Variants in RDH5 observed in about 807,000 individuals in gnomAD.
RDH5 encodes 11-cis RDH.
In RDH5, 25 loss-of-function variants were observed where a neutral mutation model predicts 24.0. That is an observed-to-expected ratio of 1.04 (90% confidence interval 0.76 to 1.46). The LOEUF is 1.46. Among genes scored for constraint, RDH5 ranks in the 40% most tolerant of loss-of-function variants. The pLI, the probability that RDH5 is intolerant of heterozygous loss-of-function variation, is 0.00. For synonymous variants in RDH5, 170 were observed against 175.2 expected (o/e 0.97, Z 0.23); for missense variants, 369 against 410.3 (o/e 0.90, Z 0.87).
At position 55,721,365 on chromosome 12, in the gene RDH5, A is replaced by T; in HGVS notation, c.181A>T (p.Thr61Ser). Residue 61 changes from threonine (T) to serine (S), a missense_variant, in exon 2 of 5, where the codon ACC (threonine) becomes TCC (serine). Coordinates refer to ENST00000257895, the MANE Select transcript of RDH5 (RefSeq NM_002905.5). This position sits in a 1 kb window ranked among gnomAD's most constrained non-coding sequence, Gnocchi z 4.7. ...CTTCCGAGTCCTGGCCAGCTGCCTG[A>T]CCCCCTCCGGGGCCGAGGACCTGCA... ...RGFRVLASCL[T>S]PSGAEDLQRV... The T allele has an allele frequency of 1.2e-6, 2 of 1,613,620 alleles. No individual in the cohort carries two copies. Among genetic ancestry groups the T allele is most frequent in the Non-Finnish European group, 1.7e-6 (2 of 1,179,986 alleles).
chr12:55,723,581 A>G (rs1877026547), intron 3 of RDH5: 1 of 366,790 alleles, frequency 2.7e-6, no homozygotes, highest in South Asian at 2.5e-5. Context: ...TTACATTGTA[A>G]ACTGTTATAT....
chr12:55,724,488 C>G lies in RDH5; in HGVS notation c.900C>G (p.Ser300Arg), dbSNP rs769652740. 8.7e-6 allele frequency: 14 copies of G among 1,613,592 alleles called. No individual in the cohort carries two copies. Among genetic ancestry groups the G allele is most frequent in the South Asian group, 1.1e-5 (1 of 91,076 alleles). The part of the protein sequence containing the change: ...LWLPASYLPA[S>R]LVDAVLTWVL... ...TGCCTGCCTCCTACCTGCCAGCCAG[C>G]CTGGTGGATGCTGTGCTCACCTGGG... Residue 300 changes from serine to arginine, a missense_variant, in exon 5 of 5, where the codon AGC becomes AGG. By Grantham distance (110) the Ser-to-Arg change is moderately radical. Coordinates refer to ENST00000257895, the MANE Select transcript of RDH5 (RefSeq NM_002905.5).
At chr12:55,720,916 G>T in intron 1 of RDH5, 1 of 443,300 alleles carries the variant, frequency 2.3e-6, no homozygotes, top group South Asian at 2.8e-5. Flanking sequence ...AGATGCCTCT[G>T]CTCCATACAG....
At chr12:55,720,688 A>G (rs959977680) in intron 1 of RDH5, 171 bp downstream of exon 1, 1 of 162,012 alleles carries the variant, frequency 6.2e-6, no homozygotes, top group African/African-American at 2.4e-5. Context: ...TAGATGAGAA[A>G]ATAGGTTGAG....
At position 55,721,902 on chromosome 12, in the gene RDH5, A is replaced by T. The variant is rs758411232; in HGVS notation, c.524A>T (p.Tyr175Phe). 7.4e-6 allele frequency: 12 copies of T among 1,613,602 alleles called. No homozygotes were observed. Among genetic ancestry groups the T allele is most frequent in the Non-Finnish European group, 1.0e-5 (12 of 1,179,794 alleles). ...LGRLAANGGG[Y>F]CVSKFGLEAF... Reference sequence around the variant, plus strand: ...CGCCTGGCAGCCAATGGTGGGGGCTACTGTGTCTCCAAATTTGGCCTGGAG... The same window carrying T: ...CGCCTGGCAGCCAATGGTGGGGGCTTCTGTGTCTCCAAATTTGGCCTGGAG... Residue 175 changes from tyrosine (Y) to phenylalanine (F), a missense_variant, in exon 3 of 5, where the codon TAC (tyrosine) becomes TTC (phenylalanine). Physicochemically the swap from Tyr to Phe is conservative, Grantham distance 22. Coordinates refer to ENST00000257895, the MANE Select transcript of RDH5 (RefSeq NM_002905.5). The surrounding 1 kb of genome is among the most constrained non-coding windows in gnomAD (Gnocchi z 4.7).
chr12:55,721,370 C>G lies in RDH5; in HGVS notation c.186C>G (p.Pro62=), dbSNP rs773514584. ...GFRVLASCLT[P]SGAEDLQRVA... is the part of the protein sequence containing the mutation. ...GAGTCCTGGCCAGCTGCCTGACCCC[C>G]TCCGGGGCCGAGGACCTGCAGCGGG... The change falls in exon 2 of 5, where the codon CCC becomes CCG. Residue 62 remains proline, a synonymous_variant. Transcript: ENST00000257895. This position sits in a 1 kb window ranked among gnomAD's most constrained non-coding sequence, Gnocchi z 4.7. 1 of 1,613,866 alleles carries G rather than the reference C, an allele frequency of 6.2e-7. No individual in the cohort carries two copies. Among genetic ancestry groups the G allele is most frequent in the East Asian group, 2.2e-5 (1 of 44,902 alleles).
chr12:55,721,093 T>G lies in RDH5; in HGVS notation c.-32-60T>G. ...ACCAGATGCTTCCAGCTAGGGAGGG[T>G]ATTAGGGGAAAGGGCTTGAGGGCCA... On this transcript the variant is annotated intron_variant, in intron 1 of 4. Transcript: ENST00000257895. The surrounding 1 kb of genome is among the most constrained non-coding windows in gnomAD (Gnocchi z 4.7). The G allele has an allele frequency of 2.8e-6, 3 of 1,088,500 alleles. No homozygotes were observed. Among genetic ancestry groups the G allele is most frequent in the Non-Finnish European group, 4.3e-6 (3 of 705,436 alleles). 67.4% of individuals were successfully genotyped at this position (1,088,500 alleles called of 1,614,324 possible). A position where few individuals can be genotyped will look rare whatever the true frequency, so the allele number is the denominator to read the frequency against.
chr12:55,721,955 G>A lies in RDH5; in HGVS notation c.569+8G>A. 1.2e-6 allele frequency: 2 copies of A among 1,611,904 alleles called. No homozygotes were observed. Among genetic ancestry groups the A allele is most frequent in the Non-Finnish European group, 1.7e-6 (2 of 1,179,296 alleles). ...CTTCTCTGACAGCCTGAGGTGAGGGGTACAGGGCTCTGGGTTCCAGGACTA... is the reference window on the plus strand; with the variant it reads ...CTTCTCTGACAGCCTGAGGTGAGGGATACAGGGCTCTGGGTTCCAGGACTA... On this transcript the variant is annotated splice_region_variant and intron_variant, in intron 3 of 4. Transcript: ENST00000257895. The surrounding 1 kb of genome is among the most constrained non-coding windows in gnomAD (Gnocchi z 4.7).
At chr12:55,722,108 T>G in intron 3 of RDH5, 161 bp downstream of exon 3, 1 of 704,950 alleles carries the variant, frequency 1.4e-6, no homozygotes, top group Non-Finnish European at 2.3e-6. Context: ...ATGTAAGCTT[T>G]GTGACCATAA....
chr12:55,723,926 G>C lies in RDH5; in HGVS notation c.610G>C (p.Glu204Gln). The C allele has an allele frequency of 1.9e-6, 3 of 1,614,132 alleles. No individual in the cohort carries two copies. Among genetic ancestry groups the C allele is most frequent in the Non-Finnish European group, 2.5e-6 (3 of 1,180,038 alleles). Residue 204 changes from glutamate (E) to glutamine (Q), a missense_variant, in exon 4 of 5, where the codon GAG becomes CAG. Transcript: ENST00000257895. ...TTTTGGGATACGAGTCTCCATCGTG[G>C]AGCCTGGCTTCTTCCGAACCCCTGT... is the stretch of plus-strand genomic sequence containing the variant. ...AHFGIRVSIV[E>Q]PGFFRTPVTN...
At chr12:55,722,137 C>G (rs1876955434) in intron 3 of RDH5, 190 bp downstream of exon 3, 2 of 625,270 alleles carry the variant, frequency 3.2e-6, no homozygotes, top group Admixed American at 6.4e-5. Context: ...CTTCTCTTTA[C>G]CCATTTTTAA....
At chr12:55,724,205 C>T in intron 4 of RDH5, 117 bp from the exon 5 acceptor site, 3 of 1,442,508 alleles carry the variant, frequency 2.1e-6, no homozygotes, top group Non-Finnish European at 2.9e-6. Flanking sequence ...GGAACCTGCC[C>T]ACTCCCCACA....
At position 55,724,411 on chromosome 12, in the gene RDH5, C is replaced by T. The variant is rs762740262; in HGVS notation, c.823C>T (p.Arg275Ter). 6 of 1,614,190 alleles carry T rather than the reference C, an allele frequency of 3.7e-6. No homozygotes were observed. Among genetic ancestry groups the T allele is most frequent in the Admixed American group, 1.7e-5 (1 of 60,020 alleles). ...SRCLEHALTARHPRTRYSPGW... is the reference protein window; with the variant it reads ...SRCLEHALTA Reference sequence around the variant, plus strand: ...ATGCCTGGAGCATGCCCTGACTGCTCGACACCCCCGAACCCGCTACAGCCC... The same window carrying T: ...ATGCCTGGAGCATGCCCTGACTGCTTGACACCCCCGAACCCGCTACAGCCC... The change falls in exon 5 of 5, where the codon CGA (arginine) becomes TGA (stop). Residue 275 changes from arginine to a stop codon, truncating the protein, a stop_gained. Coordinates refer to ENST00000257895, the MANE Select transcript of RDH5 (RefSeq NM_002905.5). LOFTEE classifies it high-confidence loss of function.
At position 55,721,868 on chromosome 12, in the gene RDH5, G is replaced by A. The variant is rs755168439; in HGVS notation, c.490G>A (p.Val164Ile). The A allele has an allele frequency of 1.8e-5, 29 of 1,613,826 alleles. No homozygotes were observed. Among genetic ancestry groups the A allele is most frequent in the Non-Finnish European group, 2.1e-5 (25 of 1,179,964 alleles). ...GGGCCGGGTGATCAACATCACCAGC[G>A]TCCTGGGTCGCCTGGCAGCCAATGG... ...ARGRVINITS[V>I]LGRLAANGGG... is the part of the protein sequence containing the mutation. The change falls in exon 3 of 5, where the codon GTC becomes ATC. Residue 164 changes from valine (V) to isoleucine (I), a missense_variant. Physicochemically the swap from Val to Ile is conservative, Grantham distance 29. Coordinates refer to ENST00000257895, the MANE Select transcript of RDH5 (RefSeq NM_002905.5). The surrounding 1 kb of genome is among the most constrained non-coding windows in gnomAD (Gnocchi z 4.7).
At chr12:55,723,754 G>A in intron 3 of RDH5, 132 bp from the exon 4 acceptor site, 1 of 1,014,606 alleles carries the variant, frequency 9.9e-7, no homozygotes, top group East Asian at 2.5e-5. Flanking sequence ...CCTTGTCCCG[G>A]GGCAGTAGGC....
chr12:55,724,224 G>T, intron 4 of RDH5, 98 bp from the exon 5 acceptor site: 1 of 1,481,902 alleles, frequency 6.7e-7, no homozygotes. Flanking sequence ...CACTGAGGAG[G>T]GGACTGAGGG....
At position 55,721,339 on chromosome 12, in the gene RDH5, G is replaced by T. The variant is rs1479107354; in HGVS notation, c.155G>T (p.Gly52Val). Reference sequence around the variant, plus strand: ...CTGGCACTGCAGCTGGACCAGAGAGGCTTCCGAGTCCTGGCCAGCTGCCTG... The same window carrying T: ...CTGGCACTGCAGCTGGACCAGAGAGTCTTCCGAGTCCTGGCCAGCTGCCTG... Reference protein sequence around the residue: ...RLLALQLDQRGFRVLASCLTP... With the variant: ...RLLALQLDQRVFRVLASCLTP... Residue 52 changes from glycine to valine, a missense_variant, in exon 2 of 5, where the codon GGC (glycine) becomes GTC (valine). Coordinates refer to ENST00000257895, the MANE Select transcript of RDH5 (RefSeq NM_002905.5). The surrounding 1 kb of genome is among the most constrained non-coding windows in gnomAD (Gnocchi z 4.7). The T allele has an allele frequency of 5.6e-6, 9 of 1,613,886 alleles. No homozygotes were observed. The highest frequency in any genetic ancestry group is 7.6e-6 in the Non-Finnish European group (9 of 1,180,058).
Position 55,721,472 on chromosome 12 carries a change from G to A in RDH5, c.288G>A (p.Val96=). The A allele has an allele frequency of 6.2e-7, 1 of 1,610,156 alleles. No homozygotes were observed. The highest frequency in any genetic ancestry group is 8.5e-7 in the Non-Finnish European group (1 of 1,180,014). ...GCGTCCAGCAGGCAGCCAAGTGGGT[G>A]GAGATGCACGTTAAGGAAGCAGGTA... ...PQSVQQAAKW[V]EMHVKEAGLF... Residue 96 remains valine, a synonymous_variant, in exon 2 of 5, where the codon GTG becomes GTA. Coordinates refer to ENST00000257895, the MANE Select transcript of RDH5 (RefSeq NM_002905.5). The surrounding 1 kb of genome is among the most constrained non-coding windows in gnomAD (Gnocchi z 4.7).
Position 55,721,948 on chromosome 12 carries a change from G to A in RDH5, c.569+1G>A. ...TGGAGGCCTTCTCTGACAGCCTGAG[G>A]TGAGGGGTACAGGGCTCTGGGTTCC... On this transcript the variant is annotated splice_donor_variant, in intron 3 of 4. Coordinates refer to ENST00000257895, the MANE Select transcript of RDH5 (RefSeq NM_002905.5). LOFTEE classifies it high-confidence loss of function. This position sits in a 1 kb window ranked among gnomAD's most constrained non-coding sequence, Gnocchi z 4.7. The A allele has an allele frequency of 6.2e-7, 1 of 1,612,818 alleles. No individual in the cohort carries two copies. The highest frequency in any genetic ancestry group is 1.7e-5 in the Admixed American group (1 of 59,914).
Sources: gnomAD v4.1 joint callset for allele counts on GRCh38, gnomAD v4.1.1 for gene constraint, Gnocchi (gnomAD v3.1) non-coding constraint, MANE v1.5 for transcripts, NCBI Gene and HGNC (gene_info 2026-07-23, HGNC 2026-07-21) for gene names.